Variants in ADCY5 observed in about 807,000 individuals in gnomAD.
The protein encoded by ADCY5 is adenylate cyclase type 5.
Under a neutral mutation model 119.7 loss-of-function variants are expected in ADCY5, and 30 were observed. That is an observed-to-expected ratio of 0.25 (90% CI 0.19 to 0.34). ADCY5 has a LOEUF of 0.34. Among genes scored for constraint, ADCY5 ranks in the 10% least tolerant of loss-of-function variants. ADCY5 has a pLI of 1.00. For missense variants in ADCY5, 1,324 were observed against 1,775.2 expected, an observed-to-expected ratio of 0.75 and a Z score of 4.57; for synonymous variants, 753 against 762.2, an observed-to-expected ratio of 0.99 and a Z score of 0.20.
chr3:123,300,338 C>G, intron 14 of ADCY5, 43 bp from the exon 15 acceptor site: 1 of 1,595,270 alleles, frequency 6.3e-7, no homozygotes, highest in Non-Finnish European at 8.5e-7. Context: ...AGGCCCTGCC[C>G]GACCCCGGGC....
intron 1 of ADCY5, among the ~76,000 whole-genome samples, chr3:123,396,991 T>C (rs149221302): frequency 6.8e-4 from 104 of 152,144 alleles, no homozygotes; most frequent in African/African-American, 2.4e-3. Flanking sequence ...CTCCCGGAAC[T>C]GGGAAAGGAA....
intron 2 of ADCY5, among the ~76,000 whole-genome samples, chr3:123,350,757 T>A (rs113312144): frequency 6.6e-6 from 1 of 152,194 alleles, no homozygotes; most frequent in East Asian, 1.9e-4. Flanking sequence ...CCTAAATCCC[T>A]GTGGATTTGG....
rs58733977 is a variant in ADCY5, at chr3:123,393,564, TTAAAATAAAATAAAA to T, written c.1135-40998_1135-40984del. ...AGAGTGAGACCCTGTTTCTAAAAAA[TTAAAATAAAATAAAA>T]TAAAATAAAATAAAATAAAATAAAA... On this transcript the variant is annotated intron_variant, in intron 1 of 20. Transcript: ENST00000462833. 1.4e-3 allele frequency among the ~76,000 whole-genome samples: 203 copies of T among 143,526 alleles called. 1 individual carries two copies. Among genetic ancestry groups the T allele is most frequent in the Non-Finnish European group, 2.3e-3 (151 of 66,776 alleles). The allele number at this position is 143,526 out of a possible 152,430, so 94.2% of individuals were successfully genotyped here.
intron 1 of ADCY5, among the ~76,000 whole-genome samples, chr3:123,382,016 G>A (rs534902125): frequency 5.5e-4 from 82 of 150,192 alleles, no homozygotes; most frequent in Middle Eastern, 3.5e-3. Flanking sequence ...CCCTTACCTC[G>A]CTGACCTCAT....
At chr3:123,433,524 G>C (rs559123908) in intron 1 of ADCY5, among the ~76,000 whole-genome samples, 4 of 152,350 alleles carry the variant, frequency 2.6e-5, no homozygotes, top group African/African-American at 7.2e-5. Context: ...TTTTCCTTTA[G>C]TTTTCTTGAG....
chr3:123,437,524 G>A lies in ADCY5; in HGVS notation c.1134+9888C>T, dbSNP rs577435938. On this transcript the variant is annotated intron_variant, in intron 1 of 20. Coordinates refer to ENST00000462833, the MANE Select transcript of ADCY5 (RefSeq NM_183357.3). ...CTCTTATCCCAGTTTCTGCAGCGGT[G>A]TAGAATTTTAAAAATCGGAATAAAA... 2.0e-5 allele frequency among the ~76,000 whole-genome samples: 3 copies of A among 152,298 alleles called. No homozygotes were observed. The East Asian group carries it at 5.8e-4, about 29-fold the overall frequency.
intron 1 of ADCY5, among the ~76,000 whole-genome samples, chr3:123,397,415 C>T (rs1198999250): frequency 6.6e-6 from 1 of 152,240 alleles, no homozygotes; most frequent in Non-Finnish European, 1.5e-5. Flanking sequence ...GCGGAAGGAT[C>T]CCTTGAGCTC....
intron 1 of ADCY5, chr3:123,418,822 T>C (rs1266325693): frequency 6.6e-6 from 1 of 152,174 alleles, no homozygotes; most frequent in Admixed American, 6.5e-5. Flanking sequence ...AAGGCTTGAA[T>C]AGAGCAAAAA....
intron 1 of ADCY5, among the ~76,000 whole-genome samples, chr3:123,411,797 A>G (rs1945055548): frequency 6.6e-6 from 1 of 152,168 alleles, no homozygotes; most frequent in Non-Finnish European, 1.5e-5. Context: ...CTGAGCTGAC[A>G]TGTCAATACA....
In ADCY5 at chr3:123,413,856, A is replaced by G. The variant is rs368576169; in HGVS notation, c.1134+33556T>C. Among the ~76,000 whole-genome samples the G allele has an allele frequency of 2.6e-5, 4 of 152,090 alleles. No homozygotes were observed. In the East Asian group the frequency reaches 5.8e-4, roughly 22 times the overall value. ...ATGGCAGCAGAGAGCTGGGGAGACA[A>G]AGGGGTGGGGGGGCTGCAGAACGGA... On this transcript the variant is annotated intron_variant, in intron 1 of 20. Transcript: ENST00000462833.
At chr3:123,301,118 T>C (rs1379283597) in intron 14 of ADCY5, among the ~76,000 whole-genome samples, 1 of 151,656 alleles carries the variant, frequency 6.6e-6, no homozygotes, top group Non-Finnish European at 1.5e-5. Flanking sequence ...GAGGTCCCCA[T>C]CTGCTGCTGT....
intron 12 of ADCY5, among the ~76,000 whole-genome samples, chr3:123,308,048 T>C (rs1314779447): frequency 6.8e-6 from 1 of 146,244 alleles, no homozygotes; most frequent in Admixed American, 6.8e-5. Context: ...TTTTTTTTTT[T>C]TTTGAGACAG....
chr3:123,292,631 C>G (rs1217906250), intron 17 of ADCY5, among the ~76,000 whole-genome samples: 1 of 152,150 alleles, frequency 6.6e-6, no homozygotes, highest in Non-Finnish European at 1.5e-5. Flanking sequence ...TCCTGGGAGG[C>G]AGTACCCTTT....
In ADCY5 at chr3:123,447,395, G is replaced by A. The variant is rs759911281; in HGVS notation, c.1134+17C>T. On this transcript the variant is annotated intron_variant, in intron 1 of 20. Transcript: ENST00000462833. ...CCCGCCCCGCAATCCAGTCCCGGTG[G>A]CCAGGTCGGCCCCTACCTGCTTCAG... is the stretch of plus-strand genomic sequence containing the variant. The A allele has an allele frequency of 6.5e-7, 1 of 1,527,112 alleles. No individual in the cohort carries two copies. The highest frequency in any genetic ancestry group is 2.3e-5 in the East Asian group (1 of 43,196). 94.6% of individuals were successfully genotyped at this position (1,527,112 alleles called of 1,614,324 possible).
rs72964510 is a variant in ADCY5, at chr3:123,299,801, G to A, written c.2900+319C>T. Among the ~76,000 whole-genome samples the A allele has an allele frequency of 4.2e-3, 647 of 152,342 alleles. 1 individual carries two copies. The highest frequency in any genetic ancestry group is 0.015 in the African/African-American group (611 of 41,568). On this transcript the variant is annotated intron_variant, in intron 15 of 20. Transcript: ENST00000462833. ...TCTGCTCCCACACTCCTTACTGCCC[G>A]GCTCTGCTGGACCGTGACTCCTCTG...
At chr3:123,350,211 C>G (rs11720108) in intron 2 of ADCY5, among the ~76,000 whole-genome samples, 2 of 152,162 alleles carry the variant, frequency 1.3e-5, no homozygotes, top group African/African-American at 2.4e-5. Context: ...TCCCCTCCCC[C>G]ACTCGCTGAA....
chr3:123,330,528 T>C (rs890034637), intron 5 of ADCY5, among the ~76,000 whole-genome samples: 1 of 152,148 alleles, frequency 6.6e-6, no homozygotes, highest in Non-Finnish European at 1.5e-5. Flanking sequence ...GAACCAGCAG[T>C]TCGATGCCTG....
intron 1 of ADCY5, among the ~76,000 whole-genome samples, chr3:123,390,051 G>A (rs899245871): frequency 1.1e-4 from 17 of 152,164 alleles, no homozygotes; most frequent in African/African-American, 2.2e-4. Flanking sequence ...AGGTGTTCCC[G>A]GTGATGGGGG....
Position 123,447,423 on chromosome 3 carries a change from G to A in ADCY5, c.1123C>T (p.Leu375=). 6.3e-7 allele frequency: 1 copy of A among 1,580,868 alleles called. No homozygotes were observed. The highest frequency in any genetic ancestry group is 2.3e-5 in the East Asian group (1 of 44,144). The change falls in exon 1 of 21, where the codon CTG becomes TTG. Residue 375 remains leucine, a synonymous_variant. Transcript: ENST00000462833. ...ALRTNAQDQF[L]LKQLVSNVLI... ...AGGTCGGCCCCTACCTGCTTCAGCA[G>A]GAACTGGTCCTGGGCGTTGGTGCGC...
Sources: allele counts gnomAD v4.1 joint callset (sites outside exome capture counted in the v4.1 genomes callset), GRCh38; gene constraint gnomAD v4.1.1; transcripts MANE v1.5; gene names NCBI Gene and HGNC (gene_info 2026-07-23, HGNC 2026-07-21).